The following CPQ variants were observed in gnomAD, a reference collection of about 807,000 sequenced individuals.
CPQ encodes carboxypeptidase Q, also known as Ser-Met dipeptidase.
A neutral mutation model predicts 45.7 loss-of-function variants in CPQ; 37 were observed. The ratio of observed to expected loss-of-function variants is 0.81; its 90% confidence interval spans 0.62 to 1.07. The LOEUF (loss-of-function observed/expected upper bound fraction) is 1.07. CPQ is among the 50% of genes least tolerant of loss of function. The pLI is 0.00. For synonymous variants in CPQ, 186 were observed against 205.8 expected (o/e 0.90, Z 0.82); for missense variants, 537 against 572.9 (o/e 0.94, Z 0.64).
intron 2 of CPQ, among the ~76,000 whole-genome samples, chr8:96,823,815 C>A (rs535093476): frequency 7.8e-4 from 118 of 152,022 alleles, no homozygotes; most frequent in African/African-American, 2.8e-3. Context: ...TATTGTAAGA[C>A]CTATAGAAAT....
chr8:96,701,502 A>G (rs533706419), intron 1 of CPQ, among the ~76,000 whole-genome samples: 27 of 152,324 alleles, frequency 1.8e-4, no homozygotes, highest in Non-Finnish European at 3.5e-4. Flanking sequence ...AATGAAGTCA[A>G]TGCATTTTCA....
chr8:96,854,333 C>G (rs1239633388), intron 3 of CPQ, among the ~76,000 whole-genome samples: 1 of 151,116 alleles, frequency 6.6e-6, no homozygotes, highest in Non-Finnish European at 1.5e-5. Context: ...AGATCGAGAC[C>G]ATCCCGGCTA....
chr8:97,048,427 CT>C (rs1810298056), intron 6 of CPQ, among the ~76,000 whole-genome samples: 1 of 152,216 alleles, frequency 6.6e-6, no homozygotes, highest in Admixed American at 6.5e-5. Flanking sequence ...TTAAATATTA[CT>C]TGCAAACTAA....
intron 1 of CPQ, among the ~76,000 whole-genome samples, chr8:96,647,776 G>A (rs1815534108): frequency 6.6e-6 from 1 of 152,202 alleles, no homozygotes; most frequent in Non-Finnish European, 1.5e-5. Flanking sequence ...GAGATTCCAG[G>A]AGACTCTGAT....
chr8:96,995,648 C>T (rs1350157388), intron 5 of CPQ, among the ~76,000 whole-genome samples: 1 of 148,852 alleles, frequency 6.7e-6, no homozygotes, highest in Non-Finnish European at 1.5e-5. Context: ...GAAATTTAGA[C>T]TTGTGAGGTT....
chr8:96,838,803 C>G (rs1009296939), intron 3 of CPQ, among the ~76,000 whole-genome samples: 2 of 151,994 alleles, frequency 1.3e-5, no homozygotes, highest in South Asian at 4.1e-4. Context: ...CCAGCTGACC[C>G]GGTTCCTGGT....
At chr8:96,669,353 C>G (rs1286315857) in intron 1 of CPQ, among the ~76,000 whole-genome samples, 1 of 152,220 alleles carries the variant, frequency 6.6e-6, no homozygotes, top group Non-Finnish European at 1.5e-5. Context: ...CTCTCACTTT[C>G]ACTCAGAATG....
chr8:96,956,007 A>G (rs562727778), intron 4 of CPQ, among the ~76,000 whole-genome samples: 50 of 152,322 alleles, frequency 3.3e-4, no homozygotes, highest in African/African-American at 1.2e-3. Context: ...TGGCAACAAA[A>G]GCCAAAATCG....
chr8:96,810,810 A>T (rs1340145847), intron 2 of CPQ, among the ~76,000 whole-genome samples: 1 of 152,102 alleles, frequency 6.6e-6, no homozygotes, highest in Non-Finnish European at 1.5e-5. Flanking sequence ...GTTATTTCTC[A>T]TTGAAGCAAT....
intron 5 of CPQ, among the ~76,000 whole-genome samples, chr8:96,982,492 C>A (rs1296483915): frequency 6.6e-6 from 1 of 152,108 alleles, no homozygotes; most frequent in African/African-American, 2.4e-5. Context: ...GCATGCACCA[C>A]CATACCCGGC....
In CPQ at chr8:97,094,370, A is replaced by G. The variant is rs148236207; in HGVS notation, c.1255+28160A>G. Among the ~76,000 whole-genome samples, 158 of 152,268 alleles carry G rather than the reference A, an allele frequency of 1.0e-3. 6 individuals carry two copies. In the East Asian group the frequency reaches 0.026, roughly 25 times the overall value. On this transcript the variant is annotated intron_variant, in intron 7 of 7. Transcript: ENST00000220763. ...GAAATTTCAGGCTGAGGAAATCACT[A>G]AACAGTTCATGGCATGAGTTTTTCC... is the stretch of plus-strand genomic sequence containing the variant.
chr8:96,741,121 G>T (rs199556047), intron 1 of CPQ, among the ~76,000 whole-genome samples: 376 of 136,530 alleles, frequency 2.8e-3, no homozygotes, highest in South Asian at 5.1e-3. Flanking sequence ...TTTTTCGTTG[G>T]TAAGCTATTG....
intron 5 of CPQ, among the ~76,000 whole-genome samples, chr8:96,983,573 A>C (rs1813944979): frequency 6.6e-6 from 1 of 152,192 alleles, no homozygotes; most frequent in Non-Finnish European, 1.5e-5. Context: ...AGAGTTCTAC[A>C]TAGTTCATTA....
chr8:96,971,990 C>G (rs999476206), intron 5 of CPQ, among the ~76,000 whole-genome samples: 4 of 152,156 alleles, frequency 2.6e-5, no homozygotes, highest in African/African-American at 9.7e-5. Context: ...ATCAGGAAAG[C>G]CAAGAGAATC....
chr8:96,900,329 A>G (rs1426145945), intron 4 of CPQ, among the ~76,000 whole-genome samples: 5 of 152,160 alleles, frequency 3.3e-5, no homozygotes, highest in Non-Finnish European at 7.4e-5. Context: ...GCTTGGTTTT[A>G]GGTATGTTGA....
At chr8:96,708,556 G>A (rs1187626027) in intron 1 of CPQ, among the ~76,000 whole-genome samples, 1 of 151,906 alleles carries the variant, frequency 6.6e-6, no homozygotes, top group Non-Finnish European at 1.5e-5. Flanking sequence ...AAAGAGGACT[G>A]ATATGATATC....
At chr8:96,852,291 C>T (rs1235966349) in intron 3 of CPQ, among the ~76,000 whole-genome samples, 2 of 152,150 alleles carry the variant, frequency 1.3e-5, no homozygotes, top group African/African-American at 4.8e-5. Context: ...TTCCTTCCTT[C>T]TTAACTAAAA....
At chr8:96,955,270 A>C (rs1813338452) in intron 4 of CPQ, among the ~76,000 whole-genome samples, 1 of 152,120 alleles carries the variant, frequency 6.6e-6, no homozygotes, top group Non-Finnish European at 1.5e-5. Flanking sequence ...TTGTTTCCTG[A>C]CTTTTTAATG....
intron 6 of CPQ, among the ~76,000 whole-genome samples, chr8:97,059,743 T>C (rs1402354789): frequency 6.6e-6 from 1 of 152,150 alleles, no homozygotes. Flanking sequence ...AGCACACACA[T>C]TGTAAGATGA....
Sources: gnomAD v4.1 joint callset for allele counts (sites outside exome capture counted in the v4.1 genomes callset) on GRCh38, gnomAD v4.1.1 for gene constraint, MANE v1.5 for transcripts, NCBI Gene and HGNC (gene_info 2026-07-23, HGNC 2026-07-21) for gene names.